Variants in ARHGAP22 observed in about 807,000 individuals in gnomAD.
The protein encoded by ARHGAP22 is rho GTPase-activating protein 22.
Under a neutral mutation model 59.1 loss-of-function variants are expected in ARHGAP22, and 48 were observed. The ratio of observed to expected loss-of-function variants is 0.81; its 90% confidence interval spans 0.64 to 1.03. The LOEUF is 1.03. Among genes scored for constraint, ARHGAP22 ranks in the 50% least tolerant of loss-of-function variants. ARHGAP22 has a pLI of 0.00. For synonymous variants in ARHGAP22, 445 were observed against 416.4 expected, an observed-to-expected ratio of 1.07 and a Z score of -0.84; for missense variants, 1,015 against 958.7, an observed-to-expected ratio of 1.06 and a Z score of -0.78.
chr10:48,445,615 G>C (rs776201393), downstream of ARHGAP22: 1 of 152,448 alleles, frequency 6.6e-6, no homozygotes, highest in Non-Finnish European at 1.5e-5. Context: ...GGAGTACGGT[G>C]AACAGACGTT....
At chr10:48,513,067 C>T (rs546653804) in intron 3 of ARHGAP22, among the ~76,000 whole-genome samples, 2 of 152,256 alleles carry the variant, frequency 1.3e-5, no homozygotes, top group East Asian at 1.9e-4. Context: ...TTTAATCCCC[C>T]GTGCTTCCAC....
At chr10:48,585,695 C>T (rs938047761) in intron 1 of ARHGAP22, among the ~76,000 whole-genome samples, 3 of 152,234 alleles carry the variant, frequency 2.0e-5, no homozygotes, top group Admixed American at 2.0e-4. Context: ...TGGTGTCAGA[C>T]TGTCTAGGTC....
chr10:48,547,412 G>C (rs1287752892), intron 3 of ARHGAP22, among the ~76,000 whole-genome samples: 2 of 152,310 alleles, frequency 1.3e-5, no homozygotes, highest in African/African-American at 4.8e-5. Flanking sequence ...TTGGGGAGTT[G>C]GGGGGGAGGC....
Position 48,479,525 on chromosome 10 carries a change from C to A in ARHGAP22, c.451+111G>T, listed in dbSNP as rs2049071005. 5.7e-6 allele frequency: 9 copies of A among 1,577,772 alleles called. No individual in the cohort carries two copies. In the South Asian group the frequency reaches 9.4e-5, roughly 16 times the overall value. On this transcript the variant is annotated intron_variant, in intron 4 of 9. Transcript: ENST00000249601. The stretch of plus-strand genomic sequence containing the variant: ...AGCCTGCTGTGAGAAGCACAGGATG[C>A]AGCCAGCAAGTCCTCAGTGAGCAGG...
intron 1 of ARHGAP22, among the ~76,000 whole-genome samples, chr10:48,648,472 ACT>A (rs1174257479): frequency 1.3e-5 from 2 of 152,026 alleles, no homozygotes; most frequent in Admixed American, 1.3e-4. Context: ...TCACAAGCTC[ACT>A]GTTTCTCGGG....
chr10:48,505,025 C>G (rs993642901), intron 3 of ARHGAP22, among the ~76,000 whole-genome samples: 4 of 127,502 alleles, frequency 3.1e-5, no homozygotes, highest in African/African-American at 1.4e-4. Flanking sequence ...CCACACCCTG[C>G]TTTCTCTGTC....
chr10:48,517,662 G>A (rs1169859782), intron 3 of ARHGAP22, among the ~76,000 whole-genome samples: 4 of 152,100 alleles, frequency 2.6e-5, no homozygotes, highest in East Asian at 1.9e-4. Flanking sequence ...GGCCAGCAGC[G>A]TTGACCCCGG....
chr10:48,479,814 A>C, intron 3 of ARHGAP22, 50 bp from the exon 4 acceptor site: 1 of 1,483,758 alleles, frequency 6.7e-7, no homozygotes, highest in East Asian at 2.4e-5. Context: ...CCCGCAGCAC[A>C]CTCTCCACCG....
chr10:48,457,386 T>A (rs112092347), intron 5 of ARHGAP22, among the ~76,000 whole-genome samples: 3 of 152,222 alleles, frequency 2.0e-5, no homozygotes, highest in African/African-American at 7.2e-5. Context: ...CCTGGGAGGT[T>A]CCCTACCACT....
chr10:48,646,846 C>G (rs139235127), intron 1 of ARHGAP22, among the ~76,000 whole-genome samples: 1 of 152,096 alleles, frequency 6.6e-6, no homozygotes, highest in South Asian at 2.1e-4. Context: ...GATACCATAT[C>G]AAAAGCATGA....
At chr10:48,488,345 T>C (rs1053780930) in intron 3 of ARHGAP22, among the ~76,000 whole-genome samples, 4 of 152,274 alleles carry the variant, frequency 2.6e-5, no homozygotes, top group African/African-American at 9.6e-5. Flanking sequence ...TTTCTGGGTT[T>C]GTCTCAATTG....
At chr10:48,552,207 C>T (rs943876330) in intron 3 of ARHGAP22, among the ~76,000 whole-genome samples, 1 of 152,248 alleles carries the variant, frequency 6.6e-6, no homozygotes, top group Non-Finnish European at 1.5e-5. Context: ...CAAGTTTTTC[C>T]CCCTCTTGGG....
the ARHGAP22 span, chr10:48,435,330 G>GATTT: frequency 3.9e-6 from 1 of 254,264 alleles, no homozygotes; most frequent in African/African-American, 2.2e-5. Context: ...TTATGCTGCT[G>GATTT]ATTTTTTTAA....
At chr10:48,652,683 A>C (rs2062613541), upstream of ARHGAP22, 2 of 179,864 alleles carry the variant, frequency 1.1e-5, no homozygotes, top group Non-Finnish European at 2.3e-5. Flanking sequence ...TTTTTTTTCC[A>C]TGAGCTGACC....
intron 1 of ARHGAP22, among the ~76,000 whole-genome samples, chr10:48,622,482 G>A (rs147436488): frequency 3.6e-4 from 55 of 152,160 alleles, no homozygotes; most frequent in African/African-American, 1.3e-3. Flanking sequence ...AACTGTATAT[G>A]TTTATGGGGT....
chr10:48,649,743 C>T (rs2062471783), intron 1 of ARHGAP22, among the ~76,000 whole-genome samples: 1 of 152,124 alleles, frequency 6.6e-6, no homozygotes, highest in East Asian at 1.9e-4. Flanking sequence ...CTGCCCACTG[C>T]TGGGTGAGAC....
chr10:48,577,474 G>A (rs555763886), intron 2 of ARHGAP22, among the ~76,000 whole-genome samples: 125 of 152,230 alleles, frequency 8.2e-4, no homozygotes, highest in Non-Finnish European at 1.5e-3. Flanking sequence ...GTCCACCTCC[G>A]CCATTTTACT....
chr10:48,629,539 A>G (rs1038248273), intron 1 of ARHGAP22, among the ~76,000 whole-genome samples: 4 of 152,082 alleles, frequency 2.6e-5, no homozygotes, highest in African/African-American at 9.7e-5. Flanking sequence ...GTGTGGGTCT[A>G]TTTCTATTTC....
At chr10:48,634,360 T>G (rs2061731613) in intron 1 of ARHGAP22, among the ~76,000 whole-genome samples, 1 of 152,218 alleles carries the variant, frequency 6.6e-6, no homozygotes, top group Admixed American at 6.5e-5. Flanking sequence ...CCCACAGAGC[T>G]GGGCCATAGG....
Sources: gnomAD v4.1 joint callset for allele counts (sites outside exome capture counted in the v4.1 genomes callset) on GRCh38, gnomAD v4.1.1 for gene constraint, MANE v1.5 for transcripts, NCBI Gene and HGNC (gene_info 2026-07-23, HGNC 2026-07-21) for gene names.